PXDNL: variants seen among roughly 807,000 people sequenced by gnomAD.
PXDNL encodes the protein probable oxidoreductase PXDNL.
In PXDNL, 145 loss-of-function variants were observed where a neutral mutation model predicts 150.8. The ratio of observed to expected loss-of-function variants is 0.96; its 90% CI spans 0.84 to 1.10. The LOEUF (loss-of-function observed/expected upper bound fraction) is 1.10. Ranked by LOEUF, PXDNL falls within the 50% of genes least tolerant of loss-of-function variation. The pLI is 0.00. For synonymous variants in PXDNL, 757 were observed against 725.7 expected (o/e 1.04, Z -0.69); for missense variants, 2,087 against 1,873.9 (o/e 1.11, Z -2.10).
intron 21 of PXDNL, among the ~76,000 whole-genome samples, chr8:51,335,607 A>G (rs1466222854): frequency 6.6e-6 from 1 of 151,718 alleles, no homozygotes; most frequent in Non-Finnish European, 1.5e-5. Flanking sequence ...AATATCTGTG[A>G]AGACCTCATT....
intron 1 of PXDNL, among the ~76,000 whole-genome samples, chr8:51,771,636 G>GA (rs1180387607): frequency 1.3e-5 from 2 of 151,696 alleles, no homozygotes; most frequent in Non-Finnish European, 2.9e-5. Context: ...GAGACAGAGA[G>GA]AAAAAGAAAA....
At position 51,409,214 on chromosome 8, in the gene PXDNL, T is replaced by G; in HGVS notation, c.2410A>C (p.Met804Leu). 1.3e-6 allele frequency: 2 copies of G among 1,575,630 alleles called. No homozygotes were observed. Among genetic ancestry groups the G allele is most frequent in the South Asian group, 1.1e-5 (1 of 87,354 alleles). The change falls in exon 17 of 23, where the codon ATG (methionine) becomes CTG (leucine). Residue 804 changes from methionine to leucine, a missense_variant. Transcript: ENST00000356297. ...TPDHSYTRMLMHWGWFLEHDL... is the reference protein window; with the variant it reads ...TPDHSYTRMLLHWGWFLEHDL... ...TGCTCTAGAAACCAGCCCCAGTGCA[T>G]GAGCATGCGCGTGTAGCTGTGGTCG...
At chr8:51,339,837 A>T in intron 20 of PXDNL, 84 bp from the exon 21 acceptor site, 1 of 1,402,088 alleles carries the variant, frequency 7.1e-7, no homozygotes, top group Non-Finnish European at 9.8e-7. Flanking sequence ...TTCTTTGGTC[A>T]TTTGGCATGT....
chr8:51,789,648 G>A (rs1188581931), intron 1 of PXDNL, among the ~76,000 whole-genome samples: 2 of 152,108 alleles, frequency 1.3e-5, no homozygotes, highest in Non-Finnish European at 2.9e-5. Context: ...TAACACAAAA[G>A]AAACTGTAGC....
intron 2 of PXDNL, among the ~76,000 whole-genome samples, chr8:51,608,234 A>G (rs1449398791): frequency 6.8e-6 from 1 of 146,798 alleles, no homozygotes; most frequent in African/African-American, 2.6e-5. Context: ...CTAAAAATAC[A>G]AAAAATTAGC....
chr8:51,722,685 C>T (rs1563300561), intron 1 of PXDNL, among the ~76,000 whole-genome samples: 1 of 152,096 alleles, frequency 6.6e-6, no homozygotes, highest in Non-Finnish European at 1.5e-5. Context: ...CAGCCAAACT[C>T]CTCTCAGCAT....
intron 1 of PXDNL, among the ~76,000 whole-genome samples, chr8:51,730,457 G>GA (rs1816897211): frequency 6.6e-6 from 1 of 152,116 alleles, no homozygotes; most frequent in Non-Finnish European, 1.5e-5. Context: ...GTGATAGGAA[G>GA]AAAACCCCCA....
At chr8:51,519,312 A>G (rs559373317) in intron 4 of PXDNL, among the ~76,000 whole-genome samples, 1 of 152,220 alleles carries the variant, frequency 6.6e-6, no homozygotes, top group Non-Finnish European at 1.5e-5. Context: ...AGGCTGAGGC[A>G]GGCAGATCAC....
At position 51,319,808 on chromosome 8, in the gene PXDNL, G is replaced by A. The variant is rs1047871507; in HGVS notation, c.*83C>T. 18 of 1,277,886 alleles carry A rather than the reference G, an allele frequency of 1.4e-5. No individual in the cohort carries two copies. Among genetic ancestry groups the A allele is most frequent in the Non-Finnish European group, 1.9e-5 (18 of 970,286 alleles). 79.2% of individuals were successfully genotyped at this position (1,277,886 alleles called of 1,614,324 possible). The stretch of plus-strand genomic sequence containing the variant: ...TCAGTGGTTTCCATATCAACAATGT[G>A]ACTACAAGTTAAAAGTTCTGAAGTC... On this transcript the variant is annotated 3_prime_UTR_variant, in exon 23 of 23. Coordinates refer to ENST00000356297, the MANE Select transcript of PXDNL (RefSeq NM_144651.5).
intron 4 of PXDNL, among the ~76,000 whole-genome samples, chr8:51,509,877 T>C (rs1811376688): frequency 1.3e-5 from 2 of 152,008 alleles, no homozygotes; most frequent in East Asian, 1.9e-4. Context: ...CTATGCAATA[T>C]GCTTGTTCAT....
intron 1 of PXDNL, among the ~76,000 whole-genome samples, chr8:51,793,585 A>T (rs1480493519): frequency 2.0e-5 from 3 of 152,102 alleles, no homozygotes; most frequent in African/African-American, 7.2e-5. Context: ...AGCAGCTAAG[A>T]ACCATGATAA....
intron 1 of PXDNL, among the ~76,000 whole-genome samples, chr8:51,668,076 C>T (rs1209048362): frequency 6.6e-6 from 1 of 151,972 alleles, no homozygotes; most frequent in Non-Finnish European, 1.5e-5. Context: ...ACCAATGTAG[C>T]CACTTAAAAG....
At chr8:51,658,362 G>A (rs200980310) in intron 1 of PXDNL, among the ~76,000 whole-genome samples, 166 of 68,162 alleles carry the variant, frequency 2.4e-3, no homozygotes, top group East Asian at 2.6e-3. Flanking sequence ...AAAAAAAAAA[G>A]AAAAGAAAAG....
chr8:51,552,095 T>A (rs1043288304), intron 4 of PXDNL, among the ~76,000 whole-genome samples: 3 of 152,200 alleles, frequency 2.0e-5, no homozygotes, highest in Non-Finnish European at 4.4e-5. Context: ...TCACTCATTA[T>A]CAGGAAAATG....
chr8:51,661,776 C>A (rs1815275341), intron 1 of PXDNL, among the ~76,000 whole-genome samples: 1 of 152,052 alleles, frequency 6.6e-6, no homozygotes, highest in South Asian at 2.1e-4. Flanking sequence ...AAAGGAAGGG[C>A]ATTCCCTGTG....
intron 4 of PXDNL, among the ~76,000 whole-genome samples, chr8:51,541,826 G>GACC (rs1812223007): frequency 6.6e-6 from 1 of 151,836 alleles, no homozygotes; most frequent in African/African-American, 2.4e-5. Flanking sequence ...TTCCCTCATG[G>GACC]ACCACAGCCC....
At chr8:51,748,703 G>C (rs1001730141) in intron 1 of PXDNL, among the ~76,000 whole-genome samples, 1 of 152,134 alleles carries the variant, frequency 6.6e-6, no homozygotes, top group South Asian at 2.1e-4. Flanking sequence ...ACGAGGTCAC[G>C]AGCCCCTGGG....
rs550623076 is a variant in PXDNL, at chr8:51,585,043, G to A, written c.308+7584C>T. Among the ~76,000 whole-genome samples, 3 of 152,258 alleles carry A rather than the reference G, an allele frequency of 2.0e-5. No homozygotes were observed. The South Asian group carries it at 6.2e-4, about 32-fold the overall frequency. ...CTTAACAACTAACTAGACACAGCAGGAGAGAAAATGTGAGAAGGCCAATAT... is the reference window on the plus strand; with the variant it reads ...CTTAACAACTAACTAGACACAGCAGAAGAGAAAATGTGAGAAGGCCAATAT... On this transcript the variant is annotated intron_variant, in intron 3 of 22. Transcript: ENST00000356297.
At chr8:51,683,334 C>T (rs968960321) in intron 1 of PXDNL, among the ~76,000 whole-genome samples, 2 of 150,594 alleles carry the variant, frequency 1.3e-5, no homozygotes, top group Non-Finnish European at 3.0e-5. Context: ...TGACATTAAG[C>T]GATTTTTCAT....
Sources: gnomAD v4.1 joint callset for allele counts (sites outside exome capture counted in the v4.1 genomes callset) on GRCh38, gnomAD v4.1.1 for gene constraint, MANE v1.5 for transcripts, NCBI Gene and HGNC (gene_info 2026-07-23, HGNC 2026-07-21) for gene names.